Variants in OPCML observed in about 807,000 individuals in gnomAD.
The protein encoded by OPCML is opioid-binding protein/cell adhesion molecule.
In OPCML, 13 loss-of-function variants were observed where a neutral mutation model predicts 37.8. That is an observed-to-expected ratio of 0.34 (90% confidence interval 0.22 to 0.55). The LOEUF (loss-of-function observed/expected upper bound fraction) is 0.55, where lower values mean the gene tolerates loss of function less well. Ranked by LOEUF, OPCML falls within the 20% of genes least tolerant of loss-of-function variation. The pLI is 0.91. For missense variants in OPCML, 341 were observed against 435.6 expected (o/e 0.78, Z 1.93); for synonymous variants, 176 against 168.8 (o/e 1.04, Z -0.33).
chr11:132,495,333 C>T (rs1347643589), intron 4 of OPCML, among the ~76,000 whole-genome samples: 5 of 152,200 alleles, frequency 3.3e-5, no homozygotes, highest in Admixed American at 6.5e-5. Context: ...AAGAGATGTT[C>T]GAAACATACC....
rs528370591 is a variant in OPCML, at chr11:132,934,183, C to G, written c.146+8743G>C. ...TTTGGGTAAATAGGCAGATGGTAAG[C>G]ATTGGAAAGTCCTGGAACCACTAGG... On this transcript the variant is annotated intron_variant, in intron 2 of 7. Transcript: ENST00000524381. Among the ~76,000 whole-genome samples, 66 of 152,278 alleles carry G rather than the reference C, an allele frequency of 4.3e-4. No homozygotes were observed. The South Asian group carries it at 9.1e-3, about 21-fold the overall frequency.
At chr11:132,730,008 C>CTTT (rs11389495) in intron 2 of OPCML, among the ~76,000 whole-genome samples, 4,334 of 88,424 alleles carry the variant, frequency 0.049, 442 homozygotes, top group Non-Finnish European at 0.06. Context: ...TTCTATGTGA[C>CTTT]TTTTTTTTTT....
chr11:133,194,269 G>A (rs748683645), intron 1 of OPCML, among the ~76,000 whole-genome samples: 2 of 142,888 alleles, frequency 1.4e-5, no homozygotes, highest in Non-Finnish European at 3.0e-5. Flanking sequence ...GAGTGCAATA[G>A]GTGCAATCTC....
intron 1 of OPCML, among the ~76,000 whole-genome samples, chr11:133,172,521 T>C (rs1359028507): frequency 6.6e-6 from 1 of 151,980 alleles, no homozygotes; most frequent in Admixed American, 6.6e-5. Flanking sequence ...TCAGGCGTGG[T>C]AGTGAAAGTG....
intron 1 of OPCML, among the ~76,000 whole-genome samples, chr11:133,372,115 C>T (rs1488697422): frequency 6.6e-6 from 1 of 152,118 alleles, no homozygotes; most frequent in Non-Finnish European, 1.5e-5. Context: ...TTTGACAGCA[C>T]AGTAGAGTGA....
chr11:132,916,585 A>T (rs1944613602), intron 2 of OPCML, among the ~76,000 whole-genome samples: 1 of 152,228 alleles, frequency 6.6e-6, no homozygotes. Context: ...CACCATGAGG[A>T]TATGAAAACT....
chr11:132,948,943 C>T (rs1220529343), intron 1 of OPCML, among the ~76,000 whole-genome samples: 1 of 152,140 alleles, frequency 6.6e-6, no homozygotes, highest in East Asian at 1.9e-4. Context: ...ATCCCGATTA[C>T]AGGGCTGTAA....
chr11:133,507,941 T>C (rs1344156621), intron 1 of OPCML, among the ~76,000 whole-genome samples: 1 of 143,134 alleles, frequency 7.0e-6, no homozygotes, highest in Non-Finnish European at 1.5e-5. Flanking sequence ...AGTGAAAGTA[T>C]GTCTCAAAAA....
chr11:133,493,303 T>C (rs980557550), intron 1 of OPCML, among the ~76,000 whole-genome samples: 1 of 152,238 alleles, frequency 6.6e-6, no homozygotes, highest in African/African-American at 2.4e-5. Flanking sequence ...GGGAGATCCA[T>C]GAAGGGCTCT....
At chr11:132,711,801 A>G (rs996954766) in intron 2 of OPCML, among the ~76,000 whole-genome samples, 1 of 152,224 alleles carries the variant, frequency 6.6e-6, no homozygotes, top group Admixed American at 6.5e-5. Flanking sequence ...TACATATGCT[A>G]TATGTGTGTA....
At chr11:132,810,144 C>T (rs1364481205) in intron 2 of OPCML, among the ~76,000 whole-genome samples, 2 of 152,124 alleles carry the variant, frequency 1.3e-5, no homozygotes, top group Non-Finnish European at 2.9e-5. Context: ...CCACCACACC[C>T]AGCCTCTCCC....
chr11:132,698,576 C>A (rs912695718), intron 2 of OPCML, among the ~76,000 whole-genome samples: 2 of 152,114 alleles, frequency 1.3e-5, no homozygotes, highest in Non-Finnish European at 2.9e-5. Context: ...TTCTCCCATT[C>A]TTTAGGCTGT....
intron 1 of OPCML, among the ~76,000 whole-genome samples, chr11:133,079,195 T>A (rs1948671129): frequency 6.6e-6 from 1 of 152,212 alleles, no homozygotes; most frequent in African/African-American, 2.4e-5. Context: ...CTTGTACTTT[T>A]GATACGCATT....
chr11:132,992,049 G>A (rs2136820704), intron 1 of OPCML, among the ~76,000 whole-genome samples: 1 of 152,008 alleles, frequency 6.6e-6, no homozygotes, highest in East Asian at 1.9e-4. Context: ...GGAGTAGGTT[G>A]GACCAATATT....
intron 1 of OPCML, among the ~76,000 whole-genome samples, chr11:132,973,818 G>C (rs192449552): frequency 2.0e-5 from 3 of 151,934 alleles, no homozygotes; most frequent in South Asian, 2.1e-4. Flanking sequence ...CTTTGCTCTC[G>C]GCAGATGATC....
At chr11:132,774,350 G>A (rs1946743209) in intron 2 of OPCML, among the ~76,000 whole-genome samples, 1 of 152,140 alleles carries the variant, frequency 6.6e-6, no homozygotes, top group East Asian at 1.9e-4. Flanking sequence ...TGGCTTAGAA[G>A]CAGTAAATTA....
Position 132,437,211 on chromosome 11 carries a change from G to T in OPCML, c.643+11C>A, listed in dbSNP as rs774201554. The T allele has an allele frequency of 5.0e-6, 8 of 1,610,936 alleles. No individual in the cohort carries two copies. The Admixed American group carries it at 6.7e-5, about 13-fold the overall frequency. On this transcript the variant is annotated intron_variant, in intron 5 of 7. Transcript: ENST00000524381. ...TTTTCCCCAGAACCCCCTGGCTGCA[G>T]GTCCACTCACAGTTTACAGTGATTT...
chr11:132,970,892 A>G (rs746771959), intron 1 of OPCML, among the ~76,000 whole-genome samples: 6 of 152,130 alleles, frequency 3.9e-5, no homozygotes, highest in African/African-American at 2.4e-5. Flanking sequence ...TTCTTTGGCA[A>G]TTAGAAATTC....
At chr11:132,749,664 G>A (rs1292476080) in intron 2 of OPCML, among the ~76,000 whole-genome samples, 1 of 152,186 alleles carries the variant, frequency 6.6e-6, no homozygotes, top group East Asian at 1.9e-4. Context: ...CCACCCAGGG[G>A]TACAGTAAAG....
Sources: gnomAD v4.1 joint callset for allele counts (sites outside exome capture counted in the v4.1 genomes callset) on GRCh38, gnomAD v4.1.1 for gene constraint, MANE v1.5 for transcripts, NCBI Gene and HGNC (gene_info 2026-07-23, HGNC 2026-07-21) for gene names.